MAP6: variants seen among roughly 807,000 people sequenced by gnomAD.
MAP6 encodes the protein microtubule-associated protein 6.
A neutral mutation model predicts 42.4 loss-of-function variants in MAP6; 26 were observed. The observed-to-expected ratio is 0.61, with a 90% CI of 0.45 to 0.85. The LOEUF is 0.85. Ranked by LOEUF, MAP6 falls within the 40% of genes least tolerant of loss-of-function variation. The pLI is 0.00. For synonymous variants in MAP6, 418 were observed against 443.8 expected (o/e 0.94, Z 0.73); for missense variants, 966 against 1,099.0 (o/e 0.88, Z 1.71).
At chr11:75,639,194 A>G (rs1362388332) in intron 1 of MAP6, among the ~76,000 whole-genome samples, 2 of 152,210 alleles carry the variant, frequency 1.3e-5, no homozygotes, top group Non-Finnish European at 2.9e-5. Context: ...CTTAATGGCT[A>G]CAATATACGC....
chr11:75,641,996 A>G (rs1943478285), intron 1 of MAP6, among the ~76,000 whole-genome samples: 2 of 152,362 alleles, frequency 1.3e-5, no homozygotes, highest in East Asian at 1.9e-4. Context: ...ATTAAGCACA[A>G]CCATTATACA....
At chr11:75,594,189 A>T (rs1942532085) in intron 3 of MAP6, 1 of 152,270 alleles carries the variant, frequency 6.6e-6, no homozygotes, top group Non-Finnish European at 1.5e-5. Context: ...CAGGTGGAAG[A>T]GATGGAGCAA....
At position 75,667,790 on chromosome 11, in the gene MAP6, G is replaced by A. The variant is rs773428852; in HGVS notation, c.580C>T (p.Pro194Ser). The A allele has an allele frequency of 9.2e-5, 120 of 1,307,676 alleles. No homozygotes were observed. In the South Asian group the frequency reaches 2.4e-3, roughly 26 times the overall value. 81.0% of individuals were successfully genotyped at this position (1,307,676 alleles called of 1,614,324 possible). The change falls in exon 1 of 4, where the codon CCC (proline) becomes TCC (serine). Residue 194 changes from proline (P) to serine (S), a missense_variant. Physicochemically the swap from Pro to Ser is moderately conservative, Grantham distance 74 (BLOSUM62 -1). This residue lies in a region of MAP6 where 943 missense variants were observed against 1,049.9 expected (regional missense o/e 0.90). Coordinates refer to ENST00000304771, the MANE Select transcript of MAP6 (RefSeq NM_033063.2). This position sits in a 1 kb window ranked among gnomAD's most constrained non-coding sequence, Gnocchi z 5.6. Reference protein sequence around the residue: ...SQASAPILGAPKRRPQSQERW... With the variant: ...SQASAPILGASKRRPQSQERW... ...TCCTGGCTCTGCGGCCGGCGCTTGG[G>A]CGCCCCGAGAATGGGCGCCGACGCC... is the stretch of plus-strand genomic sequence containing the variant.
intron 1 of MAP6, among the ~76,000 whole-genome samples, chr11:75,620,312 T>A (rs1026880168): frequency 1.3e-5 from 2 of 150,888 alleles, no homozygotes; most frequent in Admixed American, 1.3e-4. Flanking sequence ...TCTATGAAAA[T>A]ATATATAAAT....
intron 1 of MAP6, among the ~76,000 whole-genome samples, chr11:75,637,866 GGGAAGGAA>G (rs1282435524): frequency 1.5e-3 from 214 of 139,340 alleles, no homozygotes; most frequent in African/African-American, 5.3e-3. Context: ...GAAGGAGGGA[GGGAAGGAA>G]GGAAGGAAGG....
chr11:75,587,452 T>A lies in MAP6; in HGVS notation c.2049A>T (p.Gln683His). ...TTGCATGCTCTGGGACTACAACATCTTGATCCTTGACTGGCCCTGAGACCA... is the reference window on the plus strand; with the variant it reads ...TTGCATGCTCTGGGACTACAACATCATGATCCTTGACTGGCCCTGAGACCA... ...GLVVSGPVKDQDVVVPEHAKV... is the reference protein window; with the variant it reads ...GLVVSGPVKDHDVVVPEHAKV... The change falls in exon 4 of 4, where the codon CAA becomes CAT. Residue 683 changes from glutamine (Q) to histidine (H), a missense_variant. Gln to His is a conservative substitution (Grantham distance 24). This residue lies in a region of MAP6 where 943 missense variants were observed against 1,049.9 expected (regional missense o/e 0.90). Transcript: ENST00000304771. 21 of 1,614,172 alleles carry A rather than the reference T, an allele frequency of 1.3e-5. No homozygotes were observed. The highest frequency in any genetic ancestry group is 1.8e-5 in the Non-Finnish European group (21 of 1,180,022).
chr11:75,595,004 C>T (rs2135574960), intron 3 of MAP6, among the ~76,000 whole-genome samples: 1 of 152,340 alleles, frequency 6.6e-6, no homozygotes, highest in Non-Finnish European at 1.5e-5. Context: ...TTGGAGAAGT[C>T]TTCCCTCTCT....
chr11:75,645,840 T>C (rs967096279), intron 1 of MAP6, among the ~76,000 whole-genome samples: 9 of 151,490 alleles, frequency 5.9e-5, no homozygotes, highest in African/African-American at 1.9e-4. Context: ...ACTGAGAAAA[T>C]TTCCCAGAAT....
Position 75,587,875 on chromosome 11 carries a change from A to G in MAP6, c.1626T>C (p.Pro542=). Residue 542 remains proline (P), a synonymous_variant, in exon 4 of 4, where the codon CCT becomes CCC. Transcript: ENST00000304771. ...SVPVPPKNQS[P]MVPAKVKDQG... ...GATCCTTAACTTTTGCTGGAACCAT[A>G]GGACTTTGATTCTTTGGAGGAACTG... The G allele has an allele frequency of 6.2e-7, 1 of 1,614,038 alleles. No homozygotes were observed. Among genetic ancestry groups the G allele is most frequent in the Non-Finnish European group, 8.5e-7 (1 of 1,179,976 alleles).
At chr11:75,649,634 G>A (rs556010102) in intron 1 of MAP6, among the ~76,000 whole-genome samples, 4 of 152,196 alleles carry the variant, frequency 2.6e-5, no homozygotes, top group East Asian at 1.9e-4. Flanking sequence ...TGCCGCCCAC[G>A]TTCAAGCGAT....
chr11:75,647,986 A>G (rs1023208702), intron 1 of MAP6, among the ~76,000 whole-genome samples: 2 of 152,222 alleles, frequency 1.3e-5, no homozygotes, highest in Admixed American at 1.3e-4. Context: ...CAGAGCCCAG[A>G]AACAGATCCA....
chr11:75,604,593 TG>T lies in MAP6; in HGVS notation c.1316+1214del, dbSNP rs553250754. 471 of 984,550 alleles carry T rather than the reference TG, an allele frequency of 4.8e-4. 1 individual carries two copies. The African/African-American group carries it at 7.8e-3, about 16-fold the overall frequency. 61.0% of individuals were successfully genotyped at this position (984,550 alleles called of 1,614,324 possible). A position where few individuals can be genotyped will look rare whatever the true frequency, so the allele number is the denominator to read the frequency against. ...CTATTTTGAGTTCCCTCACAAGCAC[TG>T]GGGTTTTTTTTTTCACAACAACTCC... On this transcript the variant is annotated intron_variant, in intron 3 of 3. Transcript: ENST00000304771.
chr11:75,611,693 C>T (rs998525570), intron 1 of MAP6, among the ~76,000 whole-genome samples: 2 of 152,232 alleles, frequency 1.3e-5, no homozygotes, highest in Non-Finnish European at 2.9e-5. Context: ...TAATCACATA[C>T]AACAACTAAT....
rs113596113 is a variant in MAP6, at chr11:75,605,548, C to CGG, written c.1316+259_1316+260insCC. 6 of 1,268,656 alleles carry CGG rather than the reference C, an allele frequency of 4.7e-6. No homozygotes were observed. The African/African-American group carries it at 7.6e-5, about 16-fold the overall frequency. The allele number at this position is 1,268,656 out of a possible 1,614,324, so 78.6% of individuals were successfully genotyped here. On this transcript the variant is annotated intron_variant, in intron 3 of 3. Transcript: ENST00000304771. ...GCTCATCAGCATGCAGTCAGAGTGC[C>CGG]AGGGGAGGGCACAGCCAGCGGCAAC...
At chr11:75,666,670 G>A (rs1340585251) in intron 1 of MAP6, among the ~76,000 whole-genome samples, 2 of 152,154 alleles carry the variant, frequency 1.3e-5, no homozygotes, top group Non-Finnish European at 1.5e-5. Context: ...TCCTCACAAT[G>A]TCCGGCACAC....
chr11:75,650,571 G>GCA (rs1344609470), intron 1 of MAP6, among the ~76,000 whole-genome samples: 1 of 152,054 alleles, frequency 6.6e-6, no homozygotes. Flanking sequence ...CTGCTCTCTT[G>GCA]GTGTCTAGAC....
At chr11:75,604,222 A>T (rs919839424) in intron 3 of MAP6, 1 of 985,778 alleles carries the variant, frequency 1.0e-6, no homozygotes. Flanking sequence ...CATGTAGCAC[A>T]CGCCGAATTA....
At chr11:75,606,421 G>C (rs1590762628) in intron 2 of MAP6, among the ~76,000 whole-genome samples, 1 of 152,222 alleles carries the variant, frequency 6.6e-6, no homozygotes, top group Non-Finnish European at 1.5e-5. Flanking sequence ...GAAAATTTGA[G>C]AGTCAGCCTG....
chr11:75,644,561 GA>G (rs1943525192), intron 1 of MAP6, among the ~76,000 whole-genome samples: 1 of 152,078 alleles, frequency 6.6e-6, no homozygotes, highest in East Asian at 1.9e-4. Context: ...TTAAGTCACA[GA>G]GCCTGGATTC....
Sources: allele counts gnomAD v4.1 joint callset (sites outside exome capture counted in the v4.1 genomes callset), GRCh38; gene constraint gnomAD v4.1.1; regional missense constraint gnomAD v4.1.1; non-coding constraint Gnocchi (gnomAD v3.1); transcripts MANE v1.5; gene names NCBI Gene and HGNC (gene_info 2026-07-23, HGNC 2026-07-21).